Variants in PPARGC1A observed in about 807,000 individuals in gnomAD.
PPARGC1A encodes PPARG coactivator 1 alpha, also known as peroxisome proliferator-activated receptor gamma coactivator 1-alpha.
PPARGC1A carries 25 observed loss-of-function variants against 88.7 expected under a neutral mutation model. The observed-to-expected ratio is 0.28, with a 90% CI of 0.21 to 0.39. The LOEUF (loss-of-function observed/expected upper bound fraction) is 0.39. Among genes scored for constraint, PPARGC1A ranks in the 10% least tolerant of loss-of-function variants. The probability of loss-of-function intolerance (pLI) is 1.00; values close to 1 mark genes in which losing one functional copy is unlikely to be tolerated. For missense variants in PPARGC1A, 880 were observed against 968.7 expected (o/e 0.91, Z 1.22); for synonymous variants, 363 against 355.6 (o/e 1.02, Z -0.24).
At chr4:23,910,371 T>TTATATTATA in the PPARGC1A span, among the ~76,000 whole-genome samples, 718 of 97,442 alleles carry the variant, frequency 7.4e-3, 15 homozygotes, top group African/African-American at 0.026. Flanking sequence ...ATATATTATA[T>TTATATTATA]TATATTATAT....
the PPARGC1A span, among the ~76,000 whole-genome samples, chr4:23,961,792 A>G: frequency 6.6e-6 from 1 of 152,096 alleles, no homozygotes; most frequent in Non-Finnish European, 1.5e-5. Flanking sequence ...CCCCCTGTAC[A>G]TGTTAGGCCG....
the PPARGC1A span, among the ~76,000 whole-genome samples, chr4:24,428,133 A>AG: frequency 6.6e-6 from 1 of 151,790 alleles, no homozygotes; most frequent in Non-Finnish European, 1.5e-5. Context: ...CCAAAAAAAA[A>AG]AAAAGAATTA....
At chr4:23,945,358 C>T in the PPARGC1A span, among the ~76,000 whole-genome samples, 1 of 151,822 alleles carries the variant, frequency 6.6e-6, no homozygotes, top group African/African-American at 2.4e-5. Context: ...ACACCCAAGC[C>T]ACATAACCCA....
the PPARGC1A span, among the ~76,000 whole-genome samples, chr4:23,952,254 C>T: frequency 1.3e-5 from 2 of 152,042 alleles, no homozygotes; most frequent in Admixed American, 6.6e-5. Context: ...GATAGTTTAC[C>T]CTTTATTCTT....
At chr4:23,830,068 G>T (rs1724728364) in intron 3 of PPARGC1A, among the ~76,000 whole-genome samples, 1 of 152,088 alleles carries the variant, frequency 6.6e-6, no homozygotes, top group South Asian at 2.1e-4. Context: ...TGGGAGTGGA[G>T]TGTGGGGGGT....
chr4:24,080,009 A>AT, the PPARGC1A span, among the ~76,000 whole-genome samples: 55 of 152,074 alleles, frequency 3.6e-4, no homozygotes, highest in African/African-American at 1.3e-3. Flanking sequence ...TCTTTTTCTA[A>AT]TTTTTTTAAC....
chr4:24,041,347 T>C, the PPARGC1A span, among the ~76,000 whole-genome samples: 1 of 152,182 alleles, frequency 6.6e-6, no homozygotes, highest in Non-Finnish European at 1.5e-5. Flanking sequence ...GCTACACTCC[T>C]GAAGTATTCC....
the PPARGC1A span, among the ~76,000 whole-genome samples, chr4:24,468,417 A>C: frequency 6.6e-6 from 1 of 152,216 alleles, no homozygotes; most frequent in Admixed American, 6.5e-5. Context: ...AATTCCACCT[A>C]AGCAGATGCT....
the PPARGC1A span, among the ~76,000 whole-genome samples, chr4:24,466,834 T>C: frequency 1.6e-5 from 2 of 125,180 alleles, no homozygotes; most frequent in African/African-American, 6.3e-5. Context: ...GAATTGCTTG[T>C]ACCCAGGAGG....
the PPARGC1A span, among the ~76,000 whole-genome samples, chr4:23,947,512 C>G: frequency 6.6e-6 from 1 of 151,604 alleles, no homozygotes; most frequent in African/African-American, 2.4e-5. Context: ...AACCCCAGAA[C>G]CTGCATCTTC....
the PPARGC1A span, among the ~76,000 whole-genome samples, chr4:24,375,909 A>G: frequency 3.3e-5 from 5 of 152,108 alleles, no homozygotes; most frequent in Non-Finnish European, 7.4e-5. Context: ...GGTGAAGAGG[A>G]AAGGCAGAAC....
chr4:24,283,337 T>C, the PPARGC1A span, among the ~76,000 whole-genome samples: 2 of 152,288 alleles, frequency 1.3e-5, no homozygotes, highest in South Asian at 2.1e-4. Context: ...ATGGGATCCA[T>C]CCCTGCTTCC....
At chr4:24,025,993 C>T in the PPARGC1A span, among the ~76,000 whole-genome samples, 5 of 152,184 alleles carry the variant, frequency 3.3e-5, no homozygotes, top group Admixed American at 1.3e-4. Context: ...ATGATTTGCA[C>T]TCAATCCAAA....
At chr4:23,991,938 A>G in the PPARGC1A span, among the ~76,000 whole-genome samples, 1 of 152,178 alleles carries the variant, frequency 6.6e-6, no homozygotes, top group Non-Finnish European at 1.5e-5. Flanking sequence ...AACAGTTTGC[A>G]TTAAGTTTCT....
At chr4:24,105,264 C>A in the PPARGC1A span, among the ~76,000 whole-genome samples, 1 of 152,160 alleles carries the variant, frequency 6.6e-6, no homozygotes, top group African/African-American at 2.4e-5. Flanking sequence ...AAACAGCCAC[C>A]ACCAGTTTCC....
chr4:24,171,705 G>A, the PPARGC1A span, among the ~76,000 whole-genome samples: 1 of 152,132 alleles, frequency 6.6e-6, no homozygotes, highest in African/African-American at 2.4e-5. Flanking sequence ...TTTACAGGAA[G>A]CACATGTCCC....
At chr4:23,920,722 G>A in the PPARGC1A span, among the ~76,000 whole-genome samples, 1 of 152,166 alleles carries the variant, frequency 6.6e-6, no homozygotes, top group Non-Finnish European at 1.5e-5. Context: ...CAGAAAAGGG[G>A]AAATTATACA....
the PPARGC1A span, among the ~76,000 whole-genome samples, chr4:24,154,436 G>T: frequency 6.6e-6 from 1 of 152,196 alleles, no homozygotes. Flanking sequence ...CATTTGTATT[G>T]TATGGCAGAG....
chr4:24,103,418 GC>G, the PPARGC1A span, among the ~76,000 whole-genome samples: 9,279 of 152,060 alleles, frequency 0.061, 374 homozygotes, highest in East Asian at 0.17. Flanking sequence ...GAAATGTGGA[GC>G]CTGAAGGTGT....
Sources: allele counts gnomAD v4.1 joint callset (sites outside exome capture counted in the v4.1 genomes callset), GRCh38; gene constraint gnomAD v4.1.1; transcripts MANE v1.5; gene names NCBI Gene and HGNC (gene_info 2026-07-23, HGNC 2026-07-21).